Variants in EHD3 observed in about 807,000 individuals in gnomAD.
EHD3 encodes EH domain containing 3, also known as EH domain-containing protein 3.
EHD3 carries 17 observed loss-of-function variants against 43.0 expected under a neutral mutation model. The observed-to-expected ratio is 0.40, with a 90% CI of 0.27 to 0.59. EHD3 has a LOEUF of 0.59. Ranked by LOEUF, EHD3 falls within the 20% of genes least tolerant of loss-of-function variation. The pLI is 0.49. For synonymous variants in EHD3, 313 were observed against 289.5 expected, an observed-to-expected ratio of 1.08 and a Z score of -0.82; for missense variants, 594 against 705.6, an observed-to-expected ratio of 0.84 and a Z score of 1.79.
At chr2:31,247,112 G>T (rs1683538060) in intron 2 of EHD3, among the ~76,000 whole-genome samples, 2 of 152,140 alleles carry the variant, frequency 1.3e-5, no homozygotes, top group South Asian at 2.1e-4. Flanking sequence ...GGCCAGGCTG[G>T]TCACAAACTC....
chr2:31,245,553 A>ATATATATATATATAT (rs1446415610), intron 2 of EHD3, among the ~76,000 whole-genome samples: 1 of 35,072 alleles, frequency 2.9e-5, no homozygotes, highest in African/African-American at 9.0e-5. Flanking sequence ...ATATATATAT[A>ATATATATATATATAT]TTTTTTTTTT....
At position 31,268,307 on chromosome 2, in the gene EHD3, G is replaced by A. The variant is rs139901819; in HGVS notation, c.*1603G>A. ...TATATCCATATTCAGACTATATAGAGAATATTCTATGCATCTATGACGTGC... is the reference window on the plus strand; with the variant it reads ...TATATCCATATTCAGACTATATAGAAAATATTCTATGCATCTATGACGTGC... On this transcript the variant is annotated 3_prime_UTR_variant, in exon 6 of 6. Coordinates refer to ENST00000322054, the MANE Select transcript of EHD3 (RefSeq NM_014600.3). 1.3e-5 allele frequency: 2 copies of A among 152,790 alleles called. No homozygotes were observed. The highest frequency in any genetic ancestry group is 4.8e-5 in the African/African-American group (2 of 41,580). 9.5% of individuals were successfully genotyped at this position (152,790 alleles called of 1,614,324 possible).
intron 1 of EHD3, among the ~76,000 whole-genome samples, chr2:31,236,021 AT>A (rs1683318360): frequency 6.6e-6 from 1 of 152,224 alleles, no homozygotes. Context: ...CCTTATTCCT[AT>A]TCCTTGGCTG....
At chr2:31,246,653 C>T (rs867218752) in intron 2 of EHD3, among the ~76,000 whole-genome samples, 25 of 152,168 alleles carry the variant, frequency 1.6e-4, no homozygotes, top group Admixed American at 1.5e-3. Flanking sequence ...GAGAGCTGAG[C>T]GCCCTTATGT....
chr2:31,258,474 C>T (rs56106435), intron 3 of EHD3, among the ~76,000 whole-genome samples: 1,927 of 152,286 alleles, frequency 0.013, 22 homozygotes, highest in Non-Finnish European at 0.019. Context: ...ATGCCTGCTA[C>T]TTAGTCTGAA....
intron 2 of EHD3, among the ~76,000 whole-genome samples, chr2:31,247,833 TA>T (rs937693534): frequency 1.3e-5 from 2 of 151,400 alleles, no homozygotes; most frequent in African/African-American, 4.9e-5. Flanking sequence ...ACCAACAGTG[TA>T]AAAAAAAGAG....
intron 3 of EHD3, among the ~76,000 whole-genome samples, chr2:31,255,045 C>A (rs1457998210): frequency 1.3e-5 from 2 of 152,222 alleles, no homozygotes; most frequent in African/African-American, 4.8e-5. Flanking sequence ...TTCCTCTTGC[C>A]TGGCATTACT....
rs1310045883 is a variant in EHD3, at chr2:31,243,448, C to CTTTTTTTTTTTTTTTTTTTTTTTTTT, written c.228-823_228-822insTTTTTTTTTTTTTTTTTTTTTTTTTT. On this transcript the variant is annotated intron_variant, in intron 1 of 5. Transcript: ENST00000322054. Reference sequence around the variant, plus strand: ...TCTTTCTTTCTTTCTTTCTTTCTTTCTTTCTTTCTTTCTTTTTTTTTTTTT... The same window carrying CTTTTTTTTTTTTTTTTTTTTTTTTTT: ...TCTTTCTTTCTTTCTTTCTTTCTTTCTTTTTTTTTTTTTTTTTTTTTTTTTTTTTCTTTCTTTCTTTTTTTTTTTTT... 4.5e-5 allele frequency among the ~76,000 whole-genome samples: 3 copies of CTTTTTTTTTTTTTTTTTTTTTTTTTT among 67,008 alleles called. 1 individual carries two copies. The highest frequency in any genetic ancestry group is 2.7e-5 in the Non-Finnish European group (1 of 37,422). 44.0% of individuals were successfully genotyped at this position (67,008 alleles called of 152,430 possible). A position where few individuals can be genotyped will look rare whatever the true frequency, so the allele number is the denominator to read the frequency against.
At chr2:31,241,161 G>A (rs1318671088) in intron 1 of EHD3, among the ~76,000 whole-genome samples, 3 of 152,184 alleles carry the variant, frequency 2.0e-5, no homozygotes, top group Non-Finnish European at 2.9e-5. Flanking sequence ...ACACTCCTGC[G>A]TTTGTGGGCC....
rs77982529 is a variant in EHD3, at chr2:31,239,423, G to A, written c.227+4575G>A. Among the ~76,000 whole-genome samples, 968 of 152,344 alleles carry A rather than the reference G, an allele frequency of 6.4e-3. 8 individuals are homozygous for A. The highest frequency in any genetic ancestry group is 0.022 in the African/African-American group (909 of 41,564). ...TAAGTGTTACACAAGGAAGCAGAAG[G>A]CCTTAGGCCAGAGGAACTGTGTCCG... On this transcript the variant is annotated intron_variant, in intron 1 of 5. Coordinates refer to ENST00000322054, the MANE Select transcript of EHD3 (RefSeq NM_014600.3).
chr2:31,266,117 T>C lies in EHD3; in HGVS notation c.1081-60T>C. The C allele has an allele frequency of 6.5e-7, 1 of 1,539,834 alleles. No individual in the cohort carries two copies. Among genetic ancestry groups the C allele is most frequent in the Non-Finnish European group, 8.8e-7 (1 of 1,140,934 alleles). On this transcript the variant is annotated intron_variant, in intron 5 of 5. Transcript: ENST00000322054. The surrounding 1 kb of genome is among the most constrained non-coding windows in gnomAD (Gnocchi z 5.1). ...TCTGGTGCTCATAGGAGGCACGTGATAAATGGAGGGCTCTCCTTTCATCGT... is the reference window on the plus strand; with the variant it reads ...TCTGGTGCTCATAGGAGGCACGTGACAAATGGAGGGCTCTCCTTTCATCGT...
intron 3 of EHD3, among the ~76,000 whole-genome samples, chr2:31,252,623 C>T (rs942512170): frequency 2.0e-5 from 3 of 152,134 alleles, no homozygotes; most frequent in East Asian, 1.9e-4. Context: ...GACAGGCATG[C>T]GCCACCACAC....
chr2:31,268,842 A>G lies in EHD3; in HGVS notation c.*2138A>G, dbSNP rs181423302. The G allele has an allele frequency of 4.6e-5, 7 of 152,192 alleles. No individual in the cohort carries two copies. Among genetic ancestry groups the G allele is most frequent in the Non-Finnish European group, 1.0e-4 (7 of 68,044 alleles). 9.4% of individuals were successfully genotyped at this position (152,192 alleles called of 1,614,324 possible). On this transcript the variant is annotated 3_prime_UTR_variant, in exon 6 of 6. Transcript: ENST00000322054. ...GGTGAAGTTCCTGTCTTTTTATTTT[A>G]TAGGAAAGGGAGATGTCTGTTATCC...
chr2:31,254,973 CCATGA>C (rs1187433051), intron 3 of EHD3, among the ~76,000 whole-genome samples: 1 of 152,230 alleles, frequency 6.6e-6, no homozygotes, highest in African/African-American at 2.4e-5. Flanking sequence ...GCATGCCAGG[CCATGA>C]TGGAAGCCGG....
intron 2 of EHD3, among the ~76,000 whole-genome samples, chr2:31,248,781 C>T (rs765776939): frequency 6.6e-6 from 1 of 152,156 alleles, no homozygotes; most frequent in Non-Finnish European, 1.5e-5. Context: ...CAAATGAGGA[C>T]ATAAACAGAG....
chr2:31,260,908 G>T lies in EHD3; in HGVS notation c.901G>T (p.Ala301Ser). The change falls in exon 4 of 6, where the codon GCC (alanine) becomes TCC (serine). Residue 301 changes from alanine to serine, a missense_variant. Ala to Ser is a moderately conservative substitution (Grantham distance 99). Coordinates refer to ENST00000322054, the MANE Select transcript of EHD3 (RefSeq NM_014600.3). The surrounding 1 kb of genome is among the most constrained non-coding windows in gnomAD (Gnocchi z 4.6). ...LRKLNDLIKR[A>S]RLAKVHAYII... ...CAAGCTCAACGACCTCATCAAAAGG[G>T]CCAGGCTGGCCAAGGTGAGGCAGCC... The T allele has an allele frequency of 6.2e-7, 1 of 1,606,072 alleles. No homozygotes were observed.
chr2:31,265,665 G>A (rs1316601006), intron 5 of EHD3, among the ~76,000 whole-genome samples: 1 of 152,176 alleles, frequency 6.6e-6, no homozygotes, highest in Non-Finnish European at 1.5e-5. Context: ...GGGATAGAAT[G>A]TGATTTTCCT....
In EHD3 at chr2:31,260,371, G is replaced by C. The variant is rs1005723475; in HGVS notation, c.503-139G>C. 176 of 860,132 alleles carry C rather than the reference G, an allele frequency of 2.0e-4. 3 individuals carry two copies. The highest frequency in any genetic ancestry group is 4.2e-5 in the Non-Finnish European group (25 of 590,554). The allele number at this position is 860,132 out of a possible 1,614,324, so 53.3% of individuals were successfully genotyped here. On this transcript the variant is annotated intron_variant, in intron 3 of 5. Transcript: ENST00000322054. This position sits in a 1 kb window ranked among gnomAD's most constrained non-coding sequence, Gnocchi z 4.6. ...TGAGTAATTTGCTGGAGTCCAAACA[G>C]TTAAAATGTGGAGGAGCCAGGATTT...
rs762026491 is a variant in EHD3, at chr2:31,266,588, G to A, written c.1492G>A (p.Asp498Asn). 14 of 1,614,050 alleles carry A rather than the reference G, an allele frequency of 8.7e-6. No homozygotes were observed. Among genetic ancestry groups the A allele is most frequent in the South Asian group, 2.2e-5 (2 of 91,090 alleles). ...ADIDKDGMLD[D>N]DEFALANHLI... ...CATTGACAAGGATGGCATGCTGGAC[G>A]ACGACGAGTTTGCACTGGCCAACCA... Residue 498 changes from aspartate (D) to asparagine (N), a missense_variant, in exon 6 of 6, where the codon GAC becomes AAC. By Grantham distance (23) the Asp-to-Asn change is conservative (BLOSUM62 1). Around this residue, in one of 3 missense-constraint regions of EHD3, gnomAD observed 322 missense variants for 348.0 expected, o/e 0.93. Coordinates refer to ENST00000322054, the MANE Select transcript of EHD3 (RefSeq NM_014600.3). The surrounding 1 kb of genome is among the most constrained non-coding windows in gnomAD (Gnocchi z 5.1).
Sources: gnomAD v4.1 joint callset for allele counts (sites outside exome capture counted in the v4.1 genomes callset) on GRCh38, gnomAD v4.1.1 for gene constraint, gnomAD v4.1.1 regional missense constraint, Gnocchi (gnomAD v3.1) non-coding constraint, MANE v1.5 for transcripts, NCBI Gene and HGNC (gene_info 2026-07-23, HGNC 2026-07-21) for gene names.